DNAI7: variants seen among roughly 807,000 people sequenced by gnomAD.
DNAI7 encodes the protein dynein axonemal intermediate chain 7.
DNAI7 carries 78 observed loss-of-function variants against 86.6 expected under a neutral mutation model. The ratio of observed to expected loss-of-function variants is 0.90; its 90% CI spans 0.75 to 1.09. The LOEUF is 1.09. DNAI7 is among the 50% of genes least tolerant of loss of function. DNAI7 has a pLI of 0.00. For synonymous variants in DNAI7, 274 were observed against 273.0 expected, an observed-to-expected ratio of 1.00 and a Z score of -0.04; for missense variants, 753 against 810.2, an observed-to-expected ratio of 0.93 and a Z score of 0.86.
intron 9 of DNAI7, among the ~76,000 whole-genome samples, chr12:25,124,059 T>TGTGTGTGTGTGTGTGC (rs1941729307): frequency 6.6e-6 from 1 of 151,872 alleles, no homozygotes; most frequent in Admixed American, 6.6e-5. Flanking sequence ...TGTGTGTGTG[T>TGTGTGTGTGTGTGTGC]GTGCTAATAC....
chr12:25,132,043 G>A (rs1372859121), intron 9 of DNAI7, among the ~76,000 whole-genome samples: 2 of 152,032 alleles, frequency 1.3e-5, no homozygotes, highest in African/African-American at 4.8e-5. Flanking sequence ...ATGAAGACAA[G>A]TAGAAGTTAG....
At chr12:25,150,618 A>T (rs1440174242) in intron 6 of DNAI7, among the ~76,000 whole-genome samples, 2 of 151,670 alleles carry the variant, frequency 1.3e-5, no homozygotes, top group Non-Finnish European at 2.9e-5. Context: ...AAAAAAAAAA[A>T]AAAAAAATTA....
Position 25,108,824 on chromosome 12 carries a change from C to CAAAAAAAAAAAAAAAAAA in DNAI7, c.1894-2_1894-1insTTTTTTTTTTTTTTTTTT. ...ATGCTTCAGTAAGGTGTTCCCTCACCTAAAAAAAAAAAAAATTCAAGCAAG... is the reference window on the plus strand; with the variant it reads ...ATGCTTCAGTAAGGTGTTCCCTCACCAAAAAAAAAAAAAAAAAATAAAAAAAAAAAAAATTCAAGCAAG... On this transcript the variant is annotated splice_acceptor_variant, in intron 15 of 15. Transcript: ENST00000395987. LOFTEE classifies it high-confidence loss of function. The CAAAAAAAAAAAAAAAAAA allele has an allele frequency of 1.1e-4, 13 of 113,510 alleles. 3 individuals are homozygous for CAAAAAAAAAAAAAAAAAA. Among genetic ancestry groups the CAAAAAAAAAAAAAAAAAA allele is most frequent in the South Asian group, 1.0e-3 (2 of 1,918 alleles). The allele number at this position is 113,510 out of a possible 1,614,324, so 7.0% of individuals were successfully genotyped here.
At chr12:25,169,411 C>T (rs961768872) in intron 2 of DNAI7, among the ~76,000 whole-genome samples, 2 of 152,178 alleles carry the variant, frequency 1.3e-5, no homozygotes, top group African/African-American at 2.4e-5. Context: ...CATCTCCCTT[C>T]GCTGACTCTC....
intron 3 of DNAI7, among the ~76,000 whole-genome samples, chr12:25,159,678 A>G (rs1319366491): frequency 6.6e-6 from 1 of 152,110 alleles, no homozygotes; most frequent in Admixed American, 6.5e-5. Context: ...TCCTGCTCTC[A>G]CTATTAAAAA....
At chr12:25,133,717 T>C (rs1469241897) in intron 9 of DNAI7, among the ~76,000 whole-genome samples, 3 of 152,220 alleles carry the variant, frequency 2.0e-5, no homozygotes, top group Admixed American at 6.5e-5. Context: ...CATAAGCGTC[T>C]ACACATGTGT....
chr12:25,114,967 G>A, intron 12 of DNAI7, 97 bp from the exon 13 acceptor site: 2 of 863,826 alleles, frequency 2.3e-6, no homozygotes, highest in African/African-American at 1.7e-5. Flanking sequence ...TGTATAAATT[G>A]ATCTTTCATA....
intron 2 of DNAI7, among the ~76,000 whole-genome samples, chr12:25,184,163 C>A (rs1949816915): frequency 6.6e-6 from 1 of 152,168 alleles, no homozygotes; most frequent in Admixed American, 6.5e-5. Context: ...ATAAAGTGCA[C>A]AATTTAATGG....
At chr12:25,133,154 ATTT>A (rs74643470) in intron 9 of DNAI7, among the ~76,000 whole-genome samples, 3 of 143,944 alleles carry the variant, frequency 2.1e-5, no homozygotes. Flanking sequence ...TAAAACTGTG[ATTT>A]TTTTTTTTTT....
At chr12:25,161,993 A>C (rs899307037) in intron 2 of DNAI7, among the ~76,000 whole-genome samples, 13 of 152,330 alleles carry the variant, frequency 8.5e-5, no homozygotes, top group African/African-American at 3.1e-4. Context: ...CATAAAGAGG[A>C]TACCATTTTG....
At chr12:25,110,037 G>T in intron 15 of DNAI7, 90 bp downstream of exon 15, 1 of 683,800 alleles carries the variant, frequency 1.5e-6, no homozygotes, top group Non-Finnish European at 2.6e-6. Flanking sequence ...TTTCTAAGAG[G>T]GGAAGCCATG....
intron 3 of DNAI7, 25 bp from the exon 4 acceptor site, chr12:25,158,588 T>TC (rs763727121): frequency 6.3e-7 from 1 of 1,595,186 alleles, no homozygotes; most frequent in Non-Finnish European, 8.6e-7. Flanking sequence ...ATAATTTTTT[T>TC]CTCAGTGAAT....
At chr12:25,184,100 T>G (rs532508103) in intron 2 of DNAI7, among the ~76,000 whole-genome samples, 1 of 152,342 alleles carries the variant, frequency 6.6e-6, no homozygotes, top group Non-Finnish European at 1.5e-5. Context: ...TCATGCATGT[T>G]TTTAACAATA....
chr12:25,147,226 G>A, intron 7 of DNAI7, 122 bp from the exon 8 acceptor site: 4 of 549,124 alleles, frequency 7.3e-6, no homozygotes, highest in African/African-American at 3.9e-5. Context: ...AGAGTAACTT[G>A]GGTAAAAATA....
chr12:25,119,890 T>G (rs1235979189), intron 11 of DNAI7, among the ~76,000 whole-genome samples: 1 of 151,702 alleles, frequency 6.6e-6, no homozygotes, highest in Non-Finnish European at 1.5e-5. Flanking sequence ...TATTAGAAAA[T>G]AGAGGAAAAA....
At chr12:25,116,584 C>T (rs902171484) in intron 12 of DNAI7, among the ~76,000 whole-genome samples, 1 of 152,186 alleles carries the variant, frequency 6.6e-6, no homozygotes, top group Non-Finnish European at 1.5e-5. Flanking sequence ...GCTACACCCT[C>T]CGCCTCCCAG....
intron 2 of DNAI7, among the ~76,000 whole-genome samples, chr12:25,186,781 GT>G (rs895417098): frequency 1.8e-4 from 26 of 147,892 alleles, no homozygotes; most frequent in East Asian, 3.9e-4. Context: ...AAAAGGCAGG[GT>G]TTTTTTTTTA....
chr12:25,170,829 T>C (rs1342305222), intron 2 of DNAI7, among the ~76,000 whole-genome samples: 1 of 152,122 alleles, frequency 6.6e-6, no homozygotes, highest in Non-Finnish European at 1.5e-5. Flanking sequence ...AAAAGAAATC[T>C]TCAAAACCAT....
At chr12:25,119,022 A>G in intron 12 of DNAI7, 123 bp downstream of exon 12, 1 of 745,508 alleles carries the variant, frequency 1.3e-6, no homozygotes, top group South Asian at 2.8e-5. Flanking sequence ...ACAAAACAAG[A>G]CCCTTGAATT....
Sources: allele counts gnomAD v4.1 joint callset (sites outside exome capture counted in the v4.1 genomes callset), GRCh38; gene constraint gnomAD v4.1.1; transcripts MANE v1.5; gene names NCBI Gene and HGNC (gene_info 2026-07-23, HGNC 2026-07-21).